DOCK7: variants seen among roughly 807,000 people sequenced by gnomAD.
The protein encoded by DOCK7 is dedicator of cytokinesis protein 7.
A neutral mutation model predicts 271.0 loss-of-function variants in DOCK7; 138 were observed. The observed-to-expected ratio is 0.51, with a 90% CI of 0.44 to 0.59. The LOEUF (loss-of-function observed/expected upper bound fraction) is 0.59, where lower values mean the gene tolerates loss of function less well. DOCK7 is among the 20% of genes least tolerant of loss of function. The pLI is 0.00. For synonymous variants in DOCK7, 823 were observed against 876.1 expected, an observed-to-expected ratio of 0.94 and a Z score of 1.07; for missense variants, 2,066 against 2,592.4, an observed-to-expected ratio of 0.80 and a Z score of 4.41.
intron 31 of DOCK7, among the ~76,000 whole-genome samples, chr1:62,527,287 TA>T (rs903219970): frequency 2.6e-5 from 4 of 151,980 alleles, no homozygotes; most frequent in Non-Finnish European, 4.4e-5. Flanking sequence ...ATTCACAGAT[TA>T]AAAAAACCCT....
At chr1:62,582,599 G>GGCC (rs1553176885) in intron 16 of DOCK7, among the ~76,000 whole-genome samples, 1 of 125,560 alleles carries the variant, frequency 8.0e-6, no homozygotes, top group South Asian at 2.7e-4. Flanking sequence ...AGAGCTGTGG[G>GGCC]CCCCAAAAAA....
At chr1:62,626,092 T>G (rs1434597830) in intron 11 of DOCK7, among the ~76,000 whole-genome samples, 1 of 152,132 alleles carries the variant, frequency 6.6e-6, no homozygotes, top group East Asian at 1.9e-4. Context: ...GAAGAAAATT[T>G]GGGGAATTCA....
chr1:62,677,358 C>T (rs980831803), intron 1 of DOCK7, among the ~76,000 whole-genome samples: 1 of 152,118 alleles, frequency 6.6e-6, no homozygotes, highest in African/African-American at 2.4e-5. Flanking sequence ...ATCTTTTCTG[C>T]CACAACTAAA....
chr1:62,475,748 G>T lies in DOCK7; in HGVS notation c.5920C>A (p.Pro1974Thr). The change falls in exon 46 of 50, where the codon CCT becomes ACT. Residue 1974 changes from proline to threonine, a missense_variant. Around this residue, in one of 2 missense-constraint regions of DOCK7, gnomAD observed 652 missense variants for 922.1 expected, o/e 0.71. Coordinates refer to ENST00000635253, the MANE Select transcript of DOCK7 (RefSeq NM_001367561.1). ...ACATTGACCCTTGTTTTAATATAAG[G>T]AAAGGCATGAGACGTAGTCAGAATG... ...KTILTTSHAF[P>T]YIKTRVNVTH... is the part of the protein sequence containing the mutation. 6.2e-7 allele frequency: 1 copy of T among 1,613,992 alleles called. No individual in the cohort carries two copies. The highest frequency in any genetic ancestry group is 8.5e-7 in the Non-Finnish European group (1 of 1,179,906).
At chr1:62,648,650 T>C (rs1656968334) in intron 4 of DOCK7, 106 bp from the exon 5 acceptor site, 2 of 578,780 alleles carry the variant, frequency 3.5e-6, no homozygotes. Context: ...GCATTATTTC[T>C]TTATGTAATA....
intron 6 of DOCK7, 58 bp downstream of exon 6, chr1:62,648,048 T>G: frequency 6.6e-7 from 1 of 1,514,226 alleles, no homozygotes; most frequent in Non-Finnish European, 9.1e-7. Flanking sequence ...ATATCAATCA[T>G]AATCCCAAAA....
chr1:62,473,384 T>C (rs1040732682), intron 48 of DOCK7, among the ~76,000 whole-genome samples: 6 of 152,140 alleles, frequency 3.9e-5, no homozygotes, highest in African/African-American at 1.4e-4. Flanking sequence ...AAATAGTAGC[T>C]TTTAAATTAA....
intron 14 of DOCK7, 92 bp downstream of exon 14, chr1:62,618,614 T>C: frequency 8.4e-7 from 1 of 1,192,940 alleles, no homozygotes; most frequent in Non-Finnish European, 1.2e-6. Context: ...CAAAACTACT[T>C]AAGATTTTTG....
Position 62,638,263 on chromosome 1 carries a change from A to C in DOCK7, c.819-1660T>G, listed in dbSNP as rs755242128. 2.6e-5 allele frequency: 4 copies of C among 152,086 alleles called. No homozygotes were observed. The East Asian group carries it at 5.8e-4, about 22-fold the overall frequency. 9.4% of individuals were successfully genotyped at this position (152,086 alleles called of 1,614,324 possible). A position where few individuals can be genotyped will look rare whatever the true frequency, so the allele number is the denominator to read the frequency against. On this transcript the variant is annotated intron_variant, in intron 7 of 49. Transcript: ENST00000635253. ...AATACCTTCTCCTTCTCTATGATTT[A>C]TCTTCTCTTGCGCCTTTCGATGAAC...
intron 22 of DOCK7, among the ~76,000 whole-genome samples, chr1:62,547,978 A>G (rs902981802): frequency 3.3e-5 from 5 of 152,306 alleles, no homozygotes; most frequent in East Asian, 3.9e-4. Flanking sequence ...AAACAAAAGC[A>G]TAATTCTGTT....
intron 14 of DOCK7, chr1:62,604,121 C>G (rs773601850): frequency 6.2e-7 from 1 of 1,613,328 alleles, no homozygotes; most frequent in Non-Finnish European, 8.5e-7. Context: ...TACGCTACAT[C>G]TAGTTGCGAT....
At chr1:62,483,419 G>A (rs556106528) in intron 43 of DOCK7, 1 of 151,678 alleles carries the variant, frequency 6.6e-6, no homozygotes, top group East Asian at 1.9e-4. Flanking sequence ...GCTCAGTTAT[G>A]GGTCTATACC....
Position 62,457,596 on chromosome 1 carries a change from G to C in DOCK7, c.6322C>G (p.Leu2108Val), listed in dbSNP as rs1159736658. 4 of 1,614,198 alleles carry C rather than the reference G, an allele frequency of 2.5e-6. No homozygotes were observed. Among genetic ancestry groups the C allele is most frequent in the African/African-American group, 1.3e-5 (1 of 75,052 alleles). ...YHRLKEALQP[L>V]INRKIPQLYK... ...AACTGAGGGATCTTTCTGTTGATCA[G>C]TGGCTGTAGGGCCTCTTTAAGGCGA... Residue 2108 changes from leucine to valine, a missense_variant, in exon 49 of 50, where the codon CTG becomes GTG. Leu to Val is a conservative substitution (Grantham distance 32, BLOSUM62 1). Around this residue, in one of 2 missense-constraint regions of DOCK7, gnomAD observed 652 missense variants for 922.1 expected, o/e 0.71. Transcript: ENST00000635253.
At chr1:62,488,714 TA>T in intron 42 of DOCK7, 1 of 546,226 alleles carries the variant, frequency 1.8e-6, no homozygotes, top group East Asian at 3.6e-5. Flanking sequence ...AAAAAAAAGC[TA>T]TGCAGAAAGT....
intron 1 of DOCK7, among the ~76,000 whole-genome samples, chr1:62,668,777 C>T (rs1261086997): frequency 6.6e-6 from 1 of 151,690 alleles, no homozygotes; most frequent in Non-Finnish European, 1.5e-5. Flanking sequence ...TACCTGTAGT[C>T]CTAGCTACTT....
rs767680374 is a variant in DOCK7 at position 62,688,189 on chromosome 1, G to C, written c.38+38C>G. On this transcript the variant is annotated intron_variant, in intron 1 of 49. Transcript: ENST00000635253. ...TGGGAGGACTCCGCGGCTCTTTCTCGGGCGGCGGCGGCGGCGCGCCCCACG... is the reference window on the plus strand; with the variant it reads ...TGGGAGGACTCCGCGGCTCTTTCTCCGGCGGCGGCGGCGGCGCGCCCCACG... 1.8e-5 allele frequency: 24 copies of C among 1,356,996 alleles called. No individual in the cohort carries two copies. The South Asian group carries it at 3.1e-4, about 17-fold the overall frequency. 84.1% of individuals were successfully genotyped at this position (1,356,996 alleles called of 1,614,324 possible).
chr1:62,680,315 C>G (rs1046011968), intron 1 of DOCK7, among the ~76,000 whole-genome samples: 2 of 151,526 alleles, frequency 1.3e-5, no homozygotes, highest in Admixed American at 1.3e-4. Flanking sequence ...TAAATGGTGT[C>G]GGGAAACCTG....
intron 25 of DOCK7, 50 bp from the exon 26 acceptor site, chr1:62,539,942 TACA>T (rs1231301620): frequency 4.5e-6 from 6 of 1,320,154 alleles, no homozygotes; most frequent in East Asian, 2.6e-5. Flanking sequence ...ATTTAACAAT[TACA>T]ACAACTCTAA....
chr1:62,679,744 G>A (rs1478657720), intron 1 of DOCK7, among the ~76,000 whole-genome samples: 1 of 152,120 alleles, frequency 6.6e-6, no homozygotes, highest in Non-Finnish European at 1.5e-5. Context: ...AAACATTGCT[G>A]TAGCAATAAA....
Sources: allele counts gnomAD v4.1 joint callset (sites outside exome capture counted in the v4.1 genomes callset), GRCh38; gene constraint gnomAD v4.1.1; regional missense constraint gnomAD v4.1.1; transcripts MANE v1.5; gene names NCBI Gene and HGNC (gene_info 2026-07-23, HGNC 2026-07-21).